Variants in BLNK observed in about 807,000 individuals in gnomAD.
BLNK encodes the protein B cell linker.
BLNK carries 29 observed loss-of-function variants against 73.5 expected under a neutral mutation model. That is an observed-to-expected ratio of 0.39 (90% CI 0.29 to 0.54). BLNK has a LOEUF of 0.54. BLNK is among the 20% of genes least tolerant of loss of function. BLNK has a pLI of 0.61. For missense variants in BLNK, 460 were observed against 562.8 expected (o/e 0.82, Z 1.85); for synonymous variants, 176 against 200.8 (o/e 0.88, Z 1.04).
At chr10:96,203,972 T>A in intron 13 of BLNK, 85 bp downstream of exon 13, 1 of 1,135,658 alleles carries the variant, frequency 8.8e-7, no homozygotes, top group Non-Finnish European at 1.3e-6. Flanking sequence ...GAAGCGACAG[T>A]GCTGTGTTAG....
At chr10:96,237,434 A>G (rs911199023) in intron 3 of BLNK, among the ~76,000 whole-genome samples, 2 of 152,206 alleles carry the variant, frequency 1.3e-5, no homozygotes, top group Non-Finnish European at 2.9e-5. Flanking sequence ...GCAGAGCCAG[A>G]GGAGTCACAC....
intron 1 of BLNK, among the ~76,000 whole-genome samples, chr10:96,256,445 C>G (rs1338695209): frequency 1.3e-5 from 2 of 152,102 alleles, no homozygotes; most frequent in African/African-American, 4.8e-5. Context: ...TGCTGATTCT[C>G]TAGTTGACTT....
chr10:96,217,109 G>A (rs1554900066), intron 6 of BLNK, among the ~76,000 whole-genome samples: 1 of 152,064 alleles, frequency 6.6e-6, no homozygotes, highest in Non-Finnish European at 1.5e-5. Flanking sequence ...TTAGTATAAT[G>A]TTTTCAAGGT....
At chr10:96,249,247 G>C (rs938206762) in intron 1 of BLNK, among the ~76,000 whole-genome samples, 1 of 152,218 alleles carries the variant, frequency 6.6e-6, no homozygotes, top group Non-Finnish European at 1.5e-5. Context: ...AAATAGTTTA[G>C]CATAGGTCTA....
intron 1 of BLNK, among the ~76,000 whole-genome samples, chr10:96,254,574 G>C (rs568945769): frequency 6.6e-6 from 1 of 151,690 alleles, no homozygotes; most frequent in Non-Finnish European, 1.5e-5. Flanking sequence ...GCAATAGCAC[G>C]ATCTCAGCTC....
At chr10:96,240,219 A>T (rs1842840338) in intron 3 of BLNK, among the ~76,000 whole-genome samples, 2 of 152,138 alleles carry the variant, frequency 1.3e-5, no homozygotes, top group South Asian at 4.1e-4. Flanking sequence ...CAGGGGTTGT[A>T]TGTTGTTCCC....
At chr10:96,205,319 T>C (rs1554897180) in intron 11 of BLNK, 1 of 152,572 alleles carries the variant, frequency 6.6e-6, no homozygotes, top group Non-Finnish European at 1.5e-5. Flanking sequence ...AATTTGTCGT[T>C]GGGGGGTGGG....
chr10:96,210,863 G>GT (rs377260098), intron 8 of BLNK, among the ~76,000 whole-genome samples: 1,263 of 121,806 alleles, frequency 0.01, 16 homozygotes, highest in Middle Eastern at 0.021. Flanking sequence ...CCACAATTCC[G>GT]TTTTTTTTTT....
chr10:96,230,862 C>T (rs1554903831), intron 3 of BLNK, 28 bp from the exon 4 acceptor site: 12 of 1,608,756 alleles, frequency 7.5e-6, no homozygotes, highest in Non-Finnish European at 1.0e-5. Flanking sequence ...AAGCAGAAGG[C>T]ACAAGTGTGA....
intron 4 of BLNK, among the ~76,000 whole-genome samples, chr10:96,229,877 AT>A (rs1554903617): frequency 6.6e-6 from 1 of 152,136 alleles, no homozygotes; most frequent in Non-Finnish European, 1.5e-5. Flanking sequence ...GAGACTCTGT[AT>A]AAACTCCAGG....
In BLNK at chr10:96,200,946, G is replaced by T. The variant is rs1279166342; in HGVS notation, c.1011+36C>A. On this transcript the variant is annotated intron_variant, in intron 14 of 16. Transcript: ENST00000224337. The surrounding 1 kb of genome is among the most constrained non-coding windows in gnomAD (Gnocchi z 4.3). The stretch of plus-strand genomic sequence containing the variant: ...ACATGCTCTTTCCTGCAGTTTCCTG[G>T]TAACAATTTAGTGACATCAAGAGTT... 6 of 1,578,346 alleles carry T rather than the reference G, an allele frequency of 3.8e-6. No individual in the cohort carries two copies. In the African/African-American group the frequency reaches 5.4e-5, roughly 14 times the overall value.
chr10:96,260,865 A>C (rs1282204850), intron 1 of BLNK, among the ~76,000 whole-genome samples: 1 of 150,588 alleles, frequency 6.6e-6, no homozygotes, highest in Non-Finnish European at 1.5e-5. Flanking sequence ...TTTTTTTGAG[A>C]CAGGGTCTCA....
At chr10:96,243,608 C>G (rs1297482999) in intron 2 of BLNK, among the ~76,000 whole-genome samples, 2 of 152,106 alleles carry the variant, frequency 1.3e-5, no homozygotes, top group East Asian at 3.8e-4. Flanking sequence ...GATTATGAGA[C>G]TTAGCATATT....
intron 3 of BLNK, among the ~76,000 whole-genome samples, chr10:96,242,362 T>C (rs1842907602): frequency 6.6e-6 from 1 of 152,254 alleles, no homozygotes; most frequent in South Asian, 2.1e-4. Flanking sequence ...TTACCCAGTC[T>C]CAGGTATATC....
intron 3 of BLNK, among the ~76,000 whole-genome samples, chr10:96,234,687 T>C (rs587632685): frequency 1.3e-5 from 2 of 152,348 alleles, no homozygotes; most frequent in East Asian, 3.9e-4. Flanking sequence ...GCTTTAGTAA[T>C]GTTACCGTCA....
At chr10:96,249,821 T>C (rs1843206299) in intron 1 of BLNK, among the ~76,000 whole-genome samples, 1 of 152,328 alleles carries the variant, frequency 6.6e-6, no homozygotes, top group Non-Finnish European at 1.5e-5. Flanking sequence ...TGTCCCTGAA[T>C]CTTCAGTAAG....
chr10:96,215,869 G>C (rs1554899746), intron 7 of BLNK: 1 of 163,914 alleles, frequency 6.1e-6, no homozygotes, highest in East Asian at 1.8e-4. Flanking sequence ...AGAGGGGTTG[G>C]TAAGGAGGGA....
intron 8 of BLNK, chr10:96,210,137 G>A (rs2083913672): frequency 3.5e-6 from 2 of 577,600 alleles, no homozygotes; most frequent in South Asian, 1.9e-5. Flanking sequence ...TGGGGGTTAG[G>A]GACTCCACCT....
At chr10:96,225,063 G>A (rs2084286422) in intron 5 of BLNK, among the ~76,000 whole-genome samples, 1 of 152,204 alleles carries the variant, frequency 6.6e-6, no homozygotes, top group South Asian at 2.1e-4. Context: ...GGATTAGGAA[G>A]ATTGCAGTGA....
Sources: gnomAD v4.1 joint callset for allele counts (sites outside exome capture counted in the v4.1 genomes callset) on GRCh38, gnomAD v4.1.1 for gene constraint, Gnocchi (gnomAD v3.1) non-coding constraint, MANE v1.5 for transcripts, NCBI Gene and HGNC (gene_info 2026-07-23, HGNC 2026-07-21) for gene names.